NRG3: variants seen among roughly 807,000 people sequenced by gnomAD.
NRG3 encodes neuregulin 3.
A neutral mutation model predicts 66.9 loss-of-function variants in NRG3; 31 were observed. The observed-to-expected ratio is 0.46, with a 90% CI of 0.35 to 0.63. The LOEUF is 0.63. NRG3 is among the 20% of genes least tolerant of loss of function. The probability of loss-of-function intolerance (pLI) is 0.00; values close to 1 mark genes in which losing one functional copy is unlikely to be tolerated. For missense variants in NRG3, 910 were observed against 878.9 expected, an observed-to-expected ratio of 1.04 and a Z score of -0.45; for synonymous variants, 393 against 359.4, an observed-to-expected ratio of 1.09 and a Z score of -1.06.
chr10:81,957,609 C>T (rs1369331905), intron 1 of NRG3, among the ~76,000 whole-genome samples: 1 of 152,188 alleles, frequency 6.6e-6, no homozygotes, highest in African/African-American at 2.4e-5. Context: ...TTCTGTTACT[C>T]TATTCCCAGC....
intron 2 of NRG3, among the ~76,000 whole-genome samples, chr10:82,524,557 T>G (rs1846503125): frequency 6.6e-6 from 1 of 151,898 alleles, no homozygotes; most frequent in Non-Finnish European, 1.5e-5. Flanking sequence ...TCATAATTTT[T>G]CATTTATTTA....
At chr10:82,698,878 T>C (rs1435054723) in intron 2 of NRG3, among the ~76,000 whole-genome samples, 1 of 152,190 alleles carries the variant, frequency 6.6e-6, no homozygotes, top group African/African-American at 2.4e-5. Flanking sequence ...ACTTATTTGA[T>C]GAGAAGATCT....
At chr10:82,472,127 T>A (rs1179177049) in intron 2 of NRG3, among the ~76,000 whole-genome samples, 1 of 152,122 alleles carries the variant, frequency 6.6e-6, no homozygotes, top group African/African-American at 2.4e-5. Flanking sequence ...ATCTTCAAAT[T>A]AACCATGGTC....
intron 1 of NRG3, among the ~76,000 whole-genome samples, chr10:82,347,862 C>G (rs1178273259): frequency 1.7e-4 from 26 of 152,012 alleles, no homozygotes; most frequent in African/African-American, 6.0e-4. Context: ...GGTTTAAAGT[C>G]TGTTTTATCA....
At chr10:81,881,182 T>TG (rs1449893442) in intron 1 of NRG3, among the ~76,000 whole-genome samples, 2 of 150,734 alleles carry the variant, frequency 1.3e-5, no homozygotes, top group African/African-American at 5.0e-5. Context: ...TGTGTTTTTT[T>TG]TGTGTTTTTT....
At chr10:82,692,750 T>C (rs2055041143) in intron 2 of NRG3, among the ~76,000 whole-genome samples, 1 of 152,230 alleles carries the variant, frequency 6.6e-6, no homozygotes. Flanking sequence ...AAACATCTGG[T>C]GTAAACACTT....
intron 4 of NRG3, among the ~76,000 whole-genome samples, chr10:82,914,490 A>ATTAAACAAAAT (rs1845642774): frequency 1.3e-5 from 2 of 152,138 alleles, no homozygotes; most frequent in Non-Finnish European, 2.9e-5. Flanking sequence ...CTGTAGTTAC[A>ATTAAACAAAAT]GGTGTCAGAG....
At chr10:82,275,751 G>T (rs2078816186) in intron 1 of NRG3, among the ~76,000 whole-genome samples, 1 of 151,928 alleles carries the variant, frequency 6.6e-6, no homozygotes, top group African/African-American at 2.4e-5. Context: ...AAATCTTAAA[G>T]ATATAATTGG....
At chr10:82,268,415 G>C (rs917631032) in intron 1 of NRG3, among the ~76,000 whole-genome samples, 23 of 151,936 alleles carry the variant, frequency 1.5e-4, no homozygotes, top group African/African-American at 5.6e-4. Flanking sequence ...AGTTTTTCTT[G>C]CCCTGATAGA....
chr10:82,255,361 C>G (rs184521622), intron 1 of NRG3, among the ~76,000 whole-genome samples: 1 of 152,244 alleles, frequency 6.6e-6, no homozygotes, highest in East Asian at 1.9e-4. Flanking sequence ...GATCCTGGAA[C>G]AGAAAAGGAC....
intron 1 of NRG3, among the ~76,000 whole-genome samples, chr10:81,962,575 C>T (rs909303305): frequency 6.6e-6 from 1 of 152,212 alleles, no homozygotes; most frequent in Non-Finnish European, 1.5e-5. Context: ...CCATGTGAGT[C>T]AGAGATGTTC....
intron 1 of NRG3, among the ~76,000 whole-genome samples, chr10:81,968,916 C>T (rs566982559): frequency 2.8e-4 from 43 of 152,182 alleles, no homozygotes; most frequent in African/African-American, 8.2e-4. Context: ...GCAGAGAAGA[C>T]GAAGTGAGGC....
At chr10:82,701,514 G>A (rs913266018) in intron 2 of NRG3, among the ~76,000 whole-genome samples, 5 of 152,078 alleles carry the variant, frequency 3.3e-5, no homozygotes, top group South Asian at 2.1e-4. Context: ...AGGAATGTAC[G>A]GATAGAGCCC....
chr10:82,892,721 T>C (rs919025741), intron 4 of NRG3, among the ~76,000 whole-genome samples: 5 of 151,264 alleles, frequency 3.3e-5, no homozygotes, highest in African/African-American at 1.2e-4. Flanking sequence ...TAAAAATAAA[T>C]TTAAAAAATA....
At chr10:82,854,714 G>A (rs758745600) in intron 3 of NRG3, among the ~76,000 whole-genome samples, 3 of 152,102 alleles carry the variant, frequency 2.0e-5, no homozygotes, top group Non-Finnish European at 4.4e-5. Flanking sequence ...AGTTCATCTT[G>A]TCTTACCTCA....
At chr10:82,616,649 C>G (rs1202509552) in intron 2 of NRG3, among the ~76,000 whole-genome samples, 1 of 152,108 alleles carries the variant, frequency 6.6e-6, no homozygotes, top group African/African-American at 2.4e-5. Context: ...CTTTGTTTTT[C>G]TTATAGCATT....
chr10:82,193,799 A>C (rs765950506), intron 1 of NRG3, among the ~76,000 whole-genome samples: 15 of 152,212 alleles, frequency 9.9e-5, no homozygotes, highest in Admixed American at 3.9e-4. Flanking sequence ...TTAGACATCC[A>C]GGTAAACTAT....
rs186920865 is a variant in NRG3 at position 82,689,362 on chromosome 10, C to A, written c.954-49215C>A. Among the ~76,000 whole-genome samples the A allele has an allele frequency of 4.5e-4, 69 of 152,238 alleles. 2 individuals are homozygous for A. In the East Asian group the frequency reaches 5.4e-3, roughly 12 times the overall value. ...GCATTTTTCTCCTGGATTCTGCACACACTAGTAGAATAAATTCAGTTGGTT... is the reference window on the plus strand; with the variant it reads ...GCATTTTTCTCCTGGATTCTGCACAAACTAGTAGAATAAATTCAGTTGGTT... On this transcript the variant is annotated intron_variant, in intron 2 of 8. Transcript: ENST00000372141.
intron 1 of NRG3, among the ~76,000 whole-genome samples, chr10:82,204,932 G>T (rs2075043202): frequency 6.6e-6 from 1 of 152,196 alleles, no homozygotes; most frequent in African/African-American, 2.4e-5. Flanking sequence ...TCCTAAACAT[G>T]GAAGACATTG....
Sources: gnomAD v4.1 joint callset for allele counts (sites outside exome capture counted in the v4.1 genomes callset) on GRCh38, gnomAD v4.1.1 for gene constraint, MANE v1.5 for transcripts, NCBI Gene and HGNC (gene_info 2026-07-23, HGNC 2026-07-21) for gene names.